ANO10: variants seen among roughly 807,000 people sequenced by gnomAD.
ANO10 encodes the protein anoctamin 10.
ANO10 carries 77 observed loss-of-function variants against 74.7 expected under a neutral mutation model. That is an observed-to-expected ratio of 1.03 (90% confidence interval 0.86 to 1.25). The LOEUF (loss-of-function observed/expected upper bound fraction) is 1.25. Ranked by LOEUF, ANO10 falls within the 50% of genes most tolerant of loss-of-function variation. The pLI is 0.00. For missense variants in ANO10, 721 were observed against 778.1 expected, an observed-to-expected ratio of 0.93 and a Z score of 0.87; for synonymous variants, 279 against 284.9, an observed-to-expected ratio of 0.98 and a Z score of 0.21.
At chr3:43,665,311 G>A (rs1427066757) in intron 1 of ANO10, among the ~76,000 whole-genome samples, 1 of 152,100 alleles carries the variant, frequency 6.6e-6, no homozygotes, top group Non-Finnish European at 1.5e-5. Flanking sequence ...ACTCGTAAGG[G>A]GGAGTTGAAC....
rs2091417049 is a variant in ANO10, at chr3:43,366,545, G to A, written c.*361C>T. 5 of 390,086 alleles carry A rather than the reference G, an allele frequency of 1.3e-5. No homozygotes were observed. Among genetic ancestry groups the A allele is most frequent in the Non-Finnish European group, 2.4e-5 (5 of 204,132 alleles). 24.2% of individuals were successfully genotyped at this position (390,086 alleles called of 1,614,324 possible). A position where few individuals can be genotyped will look rare whatever the true frequency, so the allele number is the denominator to read the frequency against. On this transcript the variant is annotated 3_prime_UTR_variant, in exon 13 of 13. Coordinates refer to ENST00000292246, the MANE Select transcript of ANO10 (RefSeq NM_018075.5). ...CCTGTCCACGGGTCCCTGGGCCATG[G>A]TGGGGTTGGGAGTGACACTGCTATG...
chr3:43,474,848 G>A (rs1326841462), intron 11 of ANO10, among the ~76,000 whole-genome samples: 1 of 152,048 alleles, frequency 6.6e-6, no homozygotes, highest in Non-Finnish European at 1.5e-5. Context: ...AGTCAAGAGG[G>A]GAGTTTGAAG....
chr3:43,630,943 T>C (rs549422327), intron 1 of ANO10, among the ~76,000 whole-genome samples: 1 of 152,186 alleles, frequency 6.6e-6, no homozygotes, highest in Non-Finnish European at 1.5e-5. Flanking sequence ...ATCGGTTGTC[T>C]CACTTTCCCT....
chr3:43,580,320 C>A (rs1299307871), intron 5 of ANO10, 33 bp downstream of exon 5: 1 of 1,612,980 alleles, frequency 6.2e-7, no homozygotes, highest in Admixed American at 1.7e-5. Flanking sequence ...AGAGGCCTTC[C>A]TCTTCTTTAA....
intron 4 of ANO10, among the ~76,000 whole-genome samples, chr3:43,591,192 C>A (rs908159588): frequency 2.6e-5 from 4 of 152,196 alleles, no homozygotes; most frequent in Non-Finnish European, 5.9e-5. Flanking sequence ...GCTCACCATC[C>A]ACCACTGCTG....
chr3:43,532,145 G>A (rs575549954), intron 11 of ANO10, among the ~76,000 whole-genome samples: 1 of 152,308 alleles, frequency 6.6e-6, no homozygotes, highest in East Asian at 1.9e-4. Context: ...AAAGCTCTTA[G>A]TAATGCAAAA....
chr3:43,603,726 T>C (rs1443585563), intron 2 of ANO10, among the ~76,000 whole-genome samples: 1 of 152,258 alleles, frequency 6.6e-6, no homozygotes, highest in Non-Finnish European at 1.5e-5. Flanking sequence ...TCATCAAGGA[T>C]GGCCTTTAAT....
intron 12 of ANO10, among the ~76,000 whole-genome samples, chr3:43,411,701 C>CA (rs1559519628): frequency 1.3e-5 from 2 of 152,138 alleles, no homozygotes; most frequent in East Asian, 1.9e-4. Flanking sequence ...ACTTTAGCTA[C>CA]AAAAAAGCAG....
chr3:43,483,820 C>T (rs2076363008), intron 11 of ANO10, among the ~76,000 whole-genome samples: 1 of 152,184 alleles, frequency 6.6e-6, no homozygotes, highest in South Asian at 2.1e-4. Flanking sequence ...CAGGGGCTTA[C>T]AGGTCATAGG....
intron 12 of ANO10, among the ~76,000 whole-genome samples, chr3:43,418,010 G>A (rs1200387153): frequency 6.6e-6 from 1 of 152,184 alleles, no homozygotes; most frequent in Non-Finnish European, 1.5e-5. Context: ...CGGGCGCAGT[G>A]GCTCACGCCT....
chr3:43,487,832 T>C (rs1575238387), intron 11 of ANO10, among the ~76,000 whole-genome samples: 3 of 152,144 alleles, frequency 2.0e-5, no homozygotes, highest in African/African-American at 2.4e-5. Flanking sequence ...AAAGTTCATA[T>C]GGAACCAAAA....
chr3:43,518,435 G>T (rs2077804649), intron 11 of ANO10, among the ~76,000 whole-genome samples: 1 of 152,138 alleles, frequency 6.6e-6, no homozygotes, highest in South Asian at 2.1e-4. Context: ...ATTGTTTGTA[G>T]AGCATGTGTG....
chr3:43,661,747 G>A (rs2083929493), intron 1 of ANO10, among the ~76,000 whole-genome samples: 1 of 152,104 alleles, frequency 6.6e-6, no homozygotes, highest in African/African-American at 2.4e-5. Context: ...AAAAGCAGGG[G>A]TTGCAATTCT....
At chr3:43,542,094 T>G (rs920704458) in intron 11 of ANO10, among the ~76,000 whole-genome samples, 1 of 152,180 alleles carries the variant, frequency 6.6e-6, no homozygotes, top group Non-Finnish European at 1.5e-5. Context: ...GTAAAAAAGA[T>G]CTGCTGTAAA....
intron 12 of ANO10, among the ~76,000 whole-genome samples, chr3:43,399,534 G>A (rs555415121): frequency 1.3e-5 from 2 of 152,176 alleles, no homozygotes; most frequent in Non-Finnish European, 2.9e-5. Flanking sequence ...AGGACTACAT[G>A]GTTTCTGGTG....
intron 1 of ANO10, among the ~76,000 whole-genome samples, chr3:43,620,635 G>A (rs913672455): frequency 6.6e-5 from 10 of 152,158 alleles, no homozygotes; most frequent in South Asian, 2.1e-4. Context: ...AAAATTAGCC[G>A]GGCATGGTGG....
chr3:43,523,229 A>C (rs1471565550), intron 11 of ANO10, among the ~76,000 whole-genome samples: 1 of 152,218 alleles, frequency 6.6e-6, no homozygotes, highest in Non-Finnish European at 1.5e-5. Context: ...CAAGTAAGCA[A>C]GAGCTCATTC....
At chr3:43,470,728 G>A (rs1239396870) in intron 11 of ANO10, among the ~76,000 whole-genome samples, 1 of 151,916 alleles carries the variant, frequency 6.6e-6, no homozygotes, top group Admixed American at 6.6e-5. Context: ...CCGGGCTCAA[G>A]CAATCCTCTC....
chr3:43,608,685 A>C (rs1011697781), intron 1 of ANO10, among the ~76,000 whole-genome samples: 2 of 152,026 alleles, frequency 1.3e-5, no homozygotes, highest in African/African-American at 4.8e-5. Context: ...GGGCCCAAGC[A>C]ATCCTCCCAC....
Sources: allele counts gnomAD v4.1 joint callset (sites outside exome capture counted in the v4.1 genomes callset), GRCh38; gene constraint gnomAD v4.1.1; transcripts MANE v1.5; gene names NCBI Gene and HGNC (gene_info 2026-07-23, HGNC 2026-07-21).